Variants in LTBP2 observed in about 807,000 individuals in gnomAD.
LTBP2 encodes the protein latent transforming growth factor beta binding protein 2, also known as latent-transforming growth factor beta-binding protein 2.
Under a neutral mutation model 210.6 loss-of-function variants are expected in LTBP2, and 103 were observed. That is an observed-to-expected ratio of 0.49 (90% CI 0.42 to 0.58). LTBP2 has a LOEUF of 0.58. LTBP2 is among the 20% of genes least tolerant of loss of function. LTBP2 has a pLI of 0.00. For synonymous variants in LTBP2, 1,007 were observed against 1,015.0 expected, an observed-to-expected ratio of 0.99 and a Z score of 0.15; for missense variants, 2,313 against 2,494.5, an observed-to-expected ratio of 0.93 and a Z score of 1.55.
chr14:74,556,443 A>T (rs2087729896), intron 3 of LTBP2, among the ~76,000 whole-genome samples: 1 of 152,272 alleles, frequency 6.6e-6, no homozygotes, highest in Non-Finnish European at 1.5e-5. Context: ...GCTATATGAT[A>T]GTCCAGCTAA....
At chr14:74,508,155 G>T in intron 24 of LTBP2, 60 bp from the exon 25 acceptor site, 1 of 1,602,796 alleles carries the variant, frequency 6.2e-7, no homozygotes, top group South Asian at 1.1e-5. Context: ...TTAGGGTCCT[G>T]TGTAGCTTCC....
At chr14:74,563,257 T>C (rs950772226) in intron 3 of LTBP2, among the ~76,000 whole-genome samples, 1 of 152,166 alleles carries the variant, frequency 6.6e-6, no homozygotes, top group Non-Finnish European at 1.5e-5. Context: ...TCCTTTCGCA[T>C]TTCCCCCGCA....
At chr14:74,581,484 A>C (rs1240329752) in intron 3 of LTBP2, among the ~76,000 whole-genome samples, 1 of 152,162 alleles carries the variant, frequency 6.6e-6, no homozygotes, top group African/African-American at 2.4e-5. Flanking sequence ...GGGGAGATCC[A>C]AACATGGAGT....
At chr14:74,503,141 C>T in intron 33 of LTBP2, 78 bp downstream of exon 33, 1 of 1,585,810 alleles carries the variant, frequency 6.3e-7, no homozygotes, top group Middle Eastern at 2.1e-4. Flanking sequence ...TTTCTAGATC[C>T]CCAGTTCCAA....
intron 4 of LTBP2, 80 bp from the exon 5 acceptor site, chr14:74,553,142 A>T: frequency 7.2e-7 from 1 of 1,387,002 alleles, no homozygotes; most frequent in African/African-American, 1.4e-5. Context: ...AGAAAGCCCC[A>T]TGGGACTAGG....
intron 8 of LTBP2, among the ~76,000 whole-genome samples, chr14:74,539,827 T>G (rs1490608940): frequency 6.6e-6 from 1 of 152,302 alleles, no homozygotes; most frequent in Admixed American, 6.5e-5. Context: ...TGCTGGCACC[T>G]GCAGAAAACT....
Position 74,548,746 on chromosome 14 carries a change from A to T in LTBP2, c.1789+1117T>A, listed in dbSNP as rs554924687. On this transcript the variant is annotated intron_variant, in intron 8 of 35. Coordinates refer to ENST00000261978, the MANE Select transcript of LTBP2 (RefSeq NM_000428.3). ...GCCATGGTTTATTGACCTAATACTA[A>T]GCATGTGCATCATTTCATTTAATCT... Among the ~76,000 whole-genome samples the T allele has an allele frequency of 9.8e-5, 15 of 152,308 alleles. 1 individual carries two copies. In the South Asian group the frequency reaches 2.9e-3, roughly 29 times the overall value.
intron 1 of LTBP2, among the ~76,000 whole-genome samples, chr14:74,604,940 G>T (rs910035963): frequency 2.6e-5 from 4 of 152,202 alleles, no homozygotes; most frequent in African/African-American, 9.7e-5. Flanking sequence ...CCCTGACTCT[G>T]CAGCTAAAGA....
At chr14:74,579,373 A>C (rs2088105663) in intron 3 of LTBP2, among the ~76,000 whole-genome samples, 1 of 152,224 alleles carries the variant, frequency 6.6e-6, no homozygotes, top group African/African-American at 2.4e-5. Flanking sequence ...TGCTCCCAAC[A>C]GGAAAGTTAG....
chr14:74,585,639 C>A lies in LTBP2; in HGVS notation c.830+215G>T, dbSNP rs1258565514. On this transcript the variant is annotated intron_variant, in intron 3 of 35. Transcript: ENST00000261978. Reference sequence around the variant, plus strand: ...AAGACTTCGCTTCCCTCCTCCTCTTCCCACCCCAGGCTGGCAAAGCCCATG... The same window carrying A: ...AAGACTTCGCTTCCCTCCTCCTCTTACCACCCCAGGCTGGCAAAGCCCATG... Among the ~76,000 whole-genome samples the A allele has an allele frequency of 4.6e-5, 7 of 152,200 alleles. No homozygotes were observed. In the East Asian group the frequency reaches 1.4e-3, roughly 29 times the overall value.
At chr14:74,599,908 G>A (rs1434129677) in intron 2 of LTBP2, among the ~76,000 whole-genome samples, 1 of 152,264 alleles carries the variant, frequency 6.6e-6, no homozygotes, top group African/African-American at 2.4e-5. Context: ...ACTCTTGGCA[G>A]TGGGGGATGT....
chr14:74,551,367 G>A lies in LTBP2; in HGVS notation c.1400-17C>T, dbSNP rs1459314594. Reference sequence around the variant, plus strand: ...TCACGGAGGCTGGGCACAGGGGCTAGAGTCAGAGCCAGGGAAGCAGGGCCC... The same window carrying A: ...TCACGGAGGCTGGGCACAGGGGCTAAAGTCAGAGCCAGGGAAGCAGGGCCC... On this transcript the variant is annotated splice_polypyrimidine_tract_variant and intron_variant, in intron 6 of 35. Transcript: ENST00000261978. The A allele has an allele frequency of 4.5e-6, 7 of 1,545,918 alleles. No homozygotes were observed. In the African/African-American group the frequency reaches 5.4e-5, roughly 12 times the overall value.
chr14:74,507,556 C>T (rs1325569866), intron 25 of LTBP2, among the ~76,000 whole-genome samples: 1 of 152,224 alleles, frequency 6.6e-6, no homozygotes, highest in Non-Finnish European at 1.5e-5. Context: ...TCCTTTTCCT[C>T]CACTGCCCCC....
chr14:74,567,352 C>T (rs551202156), intron 3 of LTBP2, among the ~76,000 whole-genome samples: 3 of 152,190 alleles, frequency 2.0e-5, no homozygotes, highest in Admixed American at 1.3e-4. Context: ...CCTGGCCCCT[C>T]GAGATCCTGC....
chr14:74,574,368 C>A (rs10142883), intron 3 of LTBP2, among the ~76,000 whole-genome samples: 1 of 152,106 alleles, frequency 6.6e-6, no homozygotes, highest in Non-Finnish European at 1.5e-5. Context: ...AACCTCTGCA[C>A]CCCTGTGCTC....
At position 74,586,734 on chromosome 14, in the gene LTBP2, C is replaced by T. The variant is rs919610652; in HGVS notation, c.566-616G>A. 2.0e-5 allele frequency among the ~76,000 whole-genome samples: 3 copies of T among 152,190 alleles called. No homozygotes were observed. Among genetic ancestry groups the T allele is most frequent in the African/African-American group, 7.2e-5 (3 of 41,452 alleles). Reference sequence around the variant, plus strand: ...TCTAAGGGTCCTTCAAAGGCACCTTCAGCTTGACGGTCTCTCCTCTCCTTC... The same window carrying T: ...TCTAAGGGTCCTTCAAAGGCACCTTTAGCTTGACGGTCTCTCCTCTCCTTC... On this transcript the variant is annotated intron_variant, in intron 2 of 35. Transcript: ENST00000261978. This position sits in a 1 kb window ranked among gnomAD's most constrained non-coding sequence, Gnocchi z 4.6.
chr14:74,606,417 A>C (rs528171790), intron 1 of LTBP2, among the ~76,000 whole-genome samples: 1 of 152,338 alleles, frequency 6.6e-6, no homozygotes, highest in African/African-American at 2.4e-5. Context: ...GTTGCTCCCC[A>C]GTTACCCTAT....
rs147770021 is a variant in LTBP2 at position 74,506,897 on chromosome 14, T to G, written c.3908-74A>C. ...TGTGTGTGCGCGCGCGCGTGTGTGC[T>G]CACTCTCTCACACGCATGCACACTC... On this transcript the variant is annotated intron_variant, in intron 26 of 35. Transcript: ENST00000261978. 3.2e-4 allele frequency: 377 copies of G among 1,164,950 alleles called. No individual in the cohort carries two copies. In the African/African-American group the frequency reaches 5.3e-3, roughly 16 times the overall value. The allele number at this position is 1,164,950 out of a possible 1,614,324, so 72.2% of individuals were successfully genotyped here.
At chr14:74,572,487 T>G (rs1051323065) in intron 3 of LTBP2, among the ~76,000 whole-genome samples, 1 of 151,604 alleles carries the variant, frequency 6.6e-6, no homozygotes, top group Non-Finnish European at 1.5e-5. Context: ...TTTGCTAAAG[T>G]TATTTTCACC....
Sources: gnomAD v4.1 joint callset for allele counts (sites outside exome capture counted in the v4.1 genomes callset) on GRCh38, gnomAD v4.1.1 for gene constraint, Gnocchi (gnomAD v3.1) non-coding constraint, MANE v1.5 for transcripts, NCBI Gene and HGNC (gene_info 2026-07-23, HGNC 2026-07-21) for gene names.